The following TACR1 variants were observed in gnomAD, a reference collection of about 807,000 sequenced individuals.
TACR1 encodes tachykinin receptor 1, also known as substance-P receptor.
TACR1 carries 25 observed loss-of-function variants against 35.8 expected under a neutral mutation model. The observed-to-expected ratio is 0.70, with a 90% CI of 0.51 to 0.98. The LOEUF (loss-of-function observed/expected upper bound fraction) is 0.98, where lower values mean the gene tolerates loss of function less well. Ranked by LOEUF, TACR1 falls within the 50% of genes least tolerant of loss-of-function variation. The probability of loss-of-function intolerance (pLI) is 0.00; values close to 1 mark genes in which losing one functional copy is unlikely to be tolerated. For missense variants in TACR1, 478 were observed against 522.9 expected (o/e 0.91, Z 0.84); for synonymous variants, 195 against 206.7 (o/e 0.94, Z 0.48).
intron 1 of TACR1, among the ~76,000 whole-genome samples, chr2:75,142,592 A>G (rs1396287505): frequency 6.6e-6 from 1 of 152,178 alleles, no homozygotes; most frequent in East Asian, 1.9e-4. Flanking sequence ...GAACTGTGCA[A>G]GGTGCTGGAG....
At chr2:75,171,345 C>G (rs1194883035) in intron 1 of TACR1, among the ~76,000 whole-genome samples, 1 of 152,212 alleles carries the variant, frequency 6.6e-6, no homozygotes, top group Admixed American at 6.5e-5. Flanking sequence ...GAACCTCTGC[C>G]TAGATTTCAG....
chr2:75,154,422 A>G (rs79800871), intron 1 of TACR1: 4,190 of 73,568 alleles, frequency 0.057, 447 homozygotes, highest in African/African-American at 0.074. Context: ...ACACACACAC[A>G]CACACACACA....
intron 2 of TACR1, chr2:75,091,036 C>T (rs1673299708): frequency 6.6e-6 from 1 of 151,900 alleles, no homozygotes; most frequent in South Asian, 2.1e-4. Context: ...TAGCATTCTA[C>T]TCTTCCTTCA....
chr2:75,136,037 G>C (rs1260479003), intron 1 of TACR1, among the ~76,000 whole-genome samples: 1 of 152,236 alleles, frequency 6.6e-6, no homozygotes, highest in Non-Finnish European at 1.5e-5. Flanking sequence ...AGCACAGATT[G>C]TGAATGTCAG....
intron 1 of TACR1, among the ~76,000 whole-genome samples, chr2:75,142,876 C>T (rs1248523058): frequency 6.6e-6 from 1 of 152,200 alleles, no homozygotes; most frequent in Admixed American, 6.5e-5. Context: ...ATTATCTATA[C>T]TTTTAATAAG....
intron 1 of TACR1, among the ~76,000 whole-genome samples, chr2:75,137,747 A>G (rs1038263208): frequency 4.0e-5 from 6 of 151,120 alleles, no homozygotes; most frequent in African/African-American, 1.2e-4. Context: ...AAAAAAAAAA[A>G]AAAAAAAAAG....
intron 1 of TACR1, among the ~76,000 whole-genome samples, chr2:75,150,283 G>A (rs370914293): frequency 2.0e-5 from 3 of 152,276 alleles, no homozygotes; most frequent in African/African-American, 4.8e-5. Flanking sequence ...TTACAATTTG[G>A]TGAGGTAGGA....
intron 2 of TACR1, among the ~76,000 whole-genome samples, chr2:75,067,018 A>G (rs1558541253): frequency 1.3e-5 from 2 of 152,246 alleles, no homozygotes; most frequent in African/African-American, 4.8e-5. Context: ...AGCTAAGCTA[A>G]TCTATGCAAT....
chr2:75,099,120 A>T (rs1175071928), intron 2 of TACR1, among the ~76,000 whole-genome samples: 2 of 151,788 alleles, frequency 1.3e-5, no homozygotes, highest in East Asian at 3.9e-4. Context: ...CTCTTCCCTG[A>T]TCACTGAGGA....
At position 75,124,730 on chromosome 2, in the gene TACR1, A is replaced by C. The variant is rs111358479; in HGVS notation, c.390-3962T>G. Among the ~76,000 whole-genome samples, 470 of 152,328 alleles carry C rather than the reference A, an allele frequency of 3.1e-3. 3 individuals carry two copies. The highest frequency in any genetic ancestry group is 9.9e-3 in the African/African-American group (413 of 41,572). ...CATGGCTGTATGATAATAACATTTT[A>C]TTTACAAAAACAGGAGGTAGGCTGC... On this transcript the variant is annotated intron_variant, in intron 1 of 4. Coordinates refer to ENST00000305249, the MANE Select transcript of TACR1 (RefSeq NM_001058.4).
At chr2:75,147,672 G>C (rs560695771) in intron 1 of TACR1, among the ~76,000 whole-genome samples, 26 of 151,750 alleles carry the variant, frequency 1.7e-4, no homozygotes, top group African/African-American at 6.0e-4. Flanking sequence ...TTGGTTTTCT[G>C]TTCCTGTGTT....
At chr2:75,139,890 C>G (rs920832202) in intron 1 of TACR1, among the ~76,000 whole-genome samples, 2 of 152,084 alleles carry the variant, frequency 1.3e-5, no homozygotes, top group Non-Finnish European at 1.5e-5. Flanking sequence ...ATGCAACAGC[C>G]CTGGTCAGCC....
At chr2:75,100,514 T>A (rs984512626) in intron 2 of TACR1, among the ~76,000 whole-genome samples, 4 of 152,178 alleles carry the variant, frequency 2.6e-5, no homozygotes, top group Admixed American at 6.5e-5. Flanking sequence ...AGGACTCAGC[T>A]GATTACTATC....
At chr2:75,160,061 A>G (rs542607646) in intron 1 of TACR1, among the ~76,000 whole-genome samples, 1 of 152,320 alleles carries the variant, frequency 6.6e-6, no homozygotes, top group East Asian at 1.9e-4. Context: ...TGGGCTGGAA[A>G]GTAAGAATAT....
chr2:75,130,154 G>C (rs1450030345), intron 1 of TACR1, among the ~76,000 whole-genome samples: 1 of 151,956 alleles, frequency 6.6e-6, no homozygotes, highest in Non-Finnish European at 1.5e-5. Flanking sequence ...CTGAATTTTT[G>C]GGGTCCCCTT....
chr2:75,159,264 C>G (rs1214421385), intron 1 of TACR1, among the ~76,000 whole-genome samples: 2 of 151,850 alleles, frequency 1.3e-5, no homozygotes, highest in Non-Finnish European at 2.9e-5. Flanking sequence ...AAACACAAAC[C>G]AAAGTAAAGA....
intron 1 of TACR1, among the ~76,000 whole-genome samples, chr2:75,135,992 C>T (rs971767564): frequency 6.6e-6 from 1 of 152,162 alleles, no homozygotes; most frequent in East Asian, 1.9e-4. Context: ...ACTAGGGACA[C>T]CAGGAACTAG....
rs199873917 is a variant in TACR1, at chr2:75,199,093, C to T, written c.-159G>A. 57 of 906,442 alleles carry T rather than the reference C, an allele frequency of 6.3e-5. No individual in the cohort carries two copies. The highest frequency in any genetic ancestry group is 9.2e-5 in the Non-Finnish European group (56 of 610,830). The allele number at this position is 906,442 out of a possible 1,614,324, so 56.1% of individuals were successfully genotyped here. A position where few individuals can be genotyped will look rare whatever the true frequency, so the allele number is the denominator to read the frequency against. ...TCTTTTTGAAAGCTGAACTGGCGCT[C>T]AGAATATAAACGCTTCTGGATGCAC... On this transcript the variant is annotated 5_prime_UTR_variant, in exon 1 of 5. Transcript: ENST00000305249.
rs1676066105 is a variant in TACR1, at chr2:75,198,966, G to A, written c.-32C>T. On this transcript the variant is annotated 5_prime_UTR_variant, in exon 1 of 5. Transcript: ENST00000305249. The stretch of plus-strand genomic sequence containing the variant: ...GCTAGGCGGTAAAGCCCTACTATCT[G>A]TACACAACCCCCCTCTGCAGCAGAG... The A allele has an allele frequency of 6.2e-7, 1 of 1,600,574 alleles. No homozygotes were observed. The highest frequency in any genetic ancestry group is 1.7e-5 in the Admixed American group (1 of 59,630).
Sources: allele counts gnomAD v4.1 joint callset (sites outside exome capture counted in the v4.1 genomes callset), GRCh38; gene constraint gnomAD v4.1.1; transcripts MANE v1.5; gene names NCBI Gene and HGNC (gene_info 2026-07-23, HGNC 2026-07-21).